Variants in CRLF3 observed in about 807,000 individuals in gnomAD.
CRLF3 encodes the protein cytokine receptor-like factor 3.
Under a neutral mutation model 55.0 loss-of-function variants are expected in CRLF3, and 33 were observed. The observed-to-expected ratio is 0.60, with a 90% CI of 0.46 to 0.80. The LOEUF (loss-of-function observed/expected upper bound fraction) is 0.80, where lower values mean the gene tolerates loss of function less well. Among genes scored for constraint, CRLF3 ranks in the 30% least tolerant of loss-of-function variants. The pLI, the probability that CRLF3 is intolerant of heterozygous loss-of-function variation, is 0.00. For missense variants in CRLF3, 494 were observed against 538.4 expected (o/e 0.92, Z 0.82); for synonymous variants, 238 against 196.8 (o/e 1.21, Z -1.75).
chr17:30,787,309 G>A (rs1463169354), intron 6 of CRLF3: 1 of 151,988 alleles, frequency 6.6e-6, no homozygotes, highest in Non-Finnish European at 1.5e-5. Flanking sequence ...TATTTGTTAA[G>A]TAAATAAAGC....
At chr17:30,817,204 G>A (rs1171968207) in intron 1 of CRLF3, among the ~76,000 whole-genome samples, 1 of 152,100 alleles carries the variant, frequency 6.6e-6, no homozygotes, top group African/African-American at 2.4e-5. Context: ...TTTTGAGGCC[G>A]AGGTGGGTGG....
In CRLF3 at chr17:30,782,730, A is replaced by G. The variant is rs1334620020; in HGVS notation, c.*1457T>C. ...TTTGATTCCTATGGCTGGACAAGGT[A>G]TCTACATTCTAGAACATCTTCTTAA... On this transcript the variant is annotated 3_prime_UTR_variant, in exon 8 of 8. Transcript: ENST00000324238. The G allele has an allele frequency of 1.3e-5, 2 of 152,208 alleles. No homozygotes were observed. Among genetic ancestry groups the G allele is most frequent in the Admixed American group, 6.5e-5 (1 of 15,278 alleles). The allele number at this position is 152,208 out of a possible 1,614,324, so 9.4% of individuals were successfully genotyped here.
intron 6 of CRLF3, among the ~76,000 whole-genome samples, chr17:30,788,597 T>G (rs1300388903): frequency 4.7e-5 from 6 of 127,840 alleles, no homozygotes; most frequent in Admixed American, 8.1e-5. Flanking sequence ...AAGTAGTGCC[T>G]TCTTTTTTTT....
intron 1 of CRLF3, chr17:30,809,478 G>A (rs1201632420): frequency 6.6e-6 from 1 of 152,110 alleles, no homozygotes; most frequent in African/African-American, 2.4e-5. Context: ...TATTTGATGT[G>A]GTACCAATGG....
At position 30,788,754 on chromosome 17, in the gene CRLF3, C is replaced by T. The variant is rs571474089; in HGVS notation, c.960-2723G>A. ...TCCTGAGTAGCTGGGATTACAGGCA[C>T]ACACCACCACGCCCGGCTAATTTTT... On this transcript the variant is annotated intron_variant, in intron 6 of 7. Transcript: ENST00000324238. Among the ~76,000 whole-genome samples the T allele has an allele frequency of 6.0e-4, 91 of 151,742 alleles. No homozygotes were observed. The Middle Eastern group carries it at 0.014, about 23-fold the overall frequency.
intron 5 of CRLF3, 160 bp from the exon 6 acceptor site, chr17:30,792,732 C>A (rs1971832919): frequency 1.9e-6 from 1 of 526,874 alleles, no homozygotes; most frequent in South Asian, 3.4e-5. Flanking sequence ...CATGATCAGT[C>A]CCACAAATTA....
Position 30,792,476 on chromosome 17 carries a change from G to T in CRLF3, c.923C>A (p.Ala308Asp), listed in dbSNP as rs1306127270. 1 of 1,612,208 alleles carries T rather than the reference G, an allele frequency of 6.2e-7. No homozygotes were observed. Among genetic ancestry groups the T allele is most frequent in the Non-Finnish European group, 8.5e-7 (1 of 1,178,506 alleles). Residue 308 changes from alanine to aspartate, a missense_variant, in exon 6 of 8, where the codon GCT (alanine) becomes GAT (aspartate). Ala to Asp is a moderately radical substitution (Grantham distance 126). Transcript: ENST00000324238. ...TGTCTGCCCACAGAAATAAGTCGGA[G>T]CTCTGGAGTAGAGAACACCCGATGA... is the stretch of plus-strand genomic sequence containing the variant. ...SESSGVLYSRAPTYFCGQTLT... is the reference protein window; with the variant it reads ...SESSGVLYSRDPTYFCGQTLT...
intron 1 of CRLF3, among the ~76,000 whole-genome samples, chr17:30,818,456 CTT>C (rs1370656622): frequency 2.0e-4 from 26 of 133,168 alleles, no homozygotes; most frequent in Admixed American, 2.3e-4. Flanking sequence ...TTTTCTTTTC[CTT>C]TTTTTTTTTT....
Position 30,793,604 on chromosome 17 carries a change from C to G in CRLF3, c.672G>C (p.Glu224Asp). Residue 224 changes from glutamate to aspartate, a missense_variant, in exon 5 of 8, where the codon GAG (glutamate) becomes GAC (aspartate). Glu to Asp is a conservative substitution (Grantham distance 45, BLOSUM62 2). Coordinates refer to ENST00000324238, the MANE Select transcript of CRLF3 (RefSeq NM_015986.4). The stretch of plus-strand genomic sequence containing the variant: ...CAGTTTCAGAACCTACATATACATC[C>G]TCAAAATGATTTGAAGTACATTTAC... ...QFRKCTSNHF[E>D]DVYVGSETEF... The G allele has an allele frequency of 6.2e-7, 1 of 1,614,040 alleles. No individual in the cohort carries two copies. Among genetic ancestry groups the G allele is most frequent in the Non-Finnish European group, 8.5e-7 (1 of 1,179,984 alleles).
At chr17:30,786,201 ATATC>A (rs1228741138) in intron 6 of CRLF3, 170 bp from the exon 7 acceptor site, 34 of 516,372 alleles carry the variant, frequency 6.6e-5, no homozygotes, top group Admixed American at 3.2e-4. Flanking sequence ...TAATTATTTT[ATATC>A]TATCTATCAT....
Position 30,784,086 on chromosome 17 carries a change from G to T in CRLF3, c.*101C>A. On this transcript the variant is annotated 3_prime_UTR_variant, in exon 8 of 8. Coordinates refer to ENST00000324238, the MANE Select transcript of CRLF3 (RefSeq NM_015986.4). ...CAGTAAACACTTTCCAATGGCCTAA[G>T]TTAGAGATGAATTCAACTTTTTTTT... 1.9e-6 allele frequency: 2 copies of T among 1,062,882 alleles called. No individual in the cohort carries two copies. Among genetic ancestry groups the T allele is most frequent in the Non-Finnish European group, 1.4e-6 (1 of 731,328 alleles). The allele number at this position is 1,062,882 out of a possible 1,614,324, so 65.8% of individuals were successfully genotyped here. A position where few individuals can be genotyped will look rare whatever the true frequency, so the allele number is the denominator to read the frequency against.
At chr17:30,785,797 GAAA>G (rs918280318) in intron 7 of CRLF3, 119 bp downstream of exon 7, 2 of 475,336 alleles carry the variant, frequency 4.2e-6, no homozygotes, top group Admixed American at 3.8e-5. Context: ...AAAAAAAAAA[GAAA>G]AAGAAAAATA....
chr17:30,808,576 A>C (rs8070182), intron 1 of CRLF3, among the ~76,000 whole-genome samples: 23,110 of 146,536 alleles, frequency 0.16, 2,012 homozygotes, highest in South Asian at 0.25. Context: ...GCGTGAGCCA[A>C]CGCGCCCAGC....
At chr17:30,801,879 T>C (rs1473616349) in intron 2 of CRLF3, among the ~76,000 whole-genome samples, 1 of 151,786 alleles carries the variant, frequency 6.6e-6, no homozygotes, top group East Asian at 1.9e-4. Context: ...GAATATGCCA[T>C]TCACTCCACT....
chr17:30,788,252 T>C (rs936163225), intron 6 of CRLF3, among the ~76,000 whole-genome samples: 3 of 149,884 alleles, frequency 2.0e-5, no homozygotes, highest in East Asian at 2.0e-4. Context: ...CGCTTGAACC[T>C]GAGAGGTGGA....
At chr17:30,807,917 G>T (rs1298699748) in intron 1 of CRLF3, among the ~76,000 whole-genome samples, 2 of 151,852 alleles carry the variant, frequency 1.3e-5, no homozygotes, top group Admixed American at 1.3e-4. Flanking sequence ...TAAATTAATT[G>T]TTAACTAATT....
intron 5 of CRLF3, 146 bp downstream of exon 5, chr17:30,793,302 ATC>A (rs894705832): frequency 1.2e-4 from 75 of 605,820 alleles, no homozygotes; most frequent in African/African-American, 1.2e-3. Flanking sequence ...ACATGAGGTA[ATC>A]TGAGTAAAAG....
intron 3 of CRLF3, 67 bp from the exon 4 acceptor site, chr17:30,796,404 T>C: frequency 7.6e-7 from 1 of 1,309,062 alleles, no homozygotes; most frequent in Non-Finnish European, 1.1e-6. Flanking sequence ...AGAAATATTT[T>C]AGAGCAGTCA....
At chr17:30,823,977 CAT>C (rs912248044) in intron 1 of CRLF3, among the ~76,000 whole-genome samples, 1 of 152,120 alleles carries the variant, frequency 6.6e-6, no homozygotes, top group African/African-American at 2.4e-5. Flanking sequence ...GATCGTATGA[CAT>C]ATTATTCAGG....
Sources: gnomAD v4.1 joint callset for allele counts (sites outside exome capture counted in the v4.1 genomes callset) on GRCh38, gnomAD v4.1.1 for gene constraint, MANE v1.5 for transcripts, NCBI Gene and HGNC (gene_info 2026-07-23, HGNC 2026-07-21) for gene names.